The following DLC1 variants were observed in gnomAD, a reference collection of about 807,000 sequenced individuals.
DLC1 encodes rho GTPase-activating protein 7.
Under a neutral mutation model 140.3 loss-of-function variants are expected in DLC1, and 54 were observed. That is an observed-to-expected ratio of 0.38 (90% CI 0.31 to 0.48). DLC1 has a LOEUF of 0.48. Ranked by LOEUF, DLC1 falls within the 20% of genes least tolerant of loss-of-function variation. The pLI, the probability that DLC1 is intolerant of heterozygous loss-of-function variation, is 0.96. For synonymous variants in DLC1, 986 were observed against 728.1 expected (o/e 1.35, Z -5.70); for missense variants, 2,536 against 1,907.0 (o/e 1.33, Z -6.14).
At chr8:13,317,280 A>T (rs1563248746) in intron 4 of DLC1, among the ~76,000 whole-genome samples, 2 of 152,242 alleles carry the variant, frequency 1.3e-5, no homozygotes, top group Non-Finnish European at 2.9e-5. Flanking sequence ...ACTAGGAAGT[A>T]TGAAAACGTT....
Position 13,588,961 on chromosome 8 carries a change from T to G in DLC1, c.-126+15576A>C, listed in dbSNP as rs554678091. Among the ~76,000 whole-genome samples, 38 of 152,050 alleles carry G rather than the reference T, an allele frequency of 2.5e-4. No homozygotes were observed. In the South Asian group the frequency reaches 2.9e-3, roughly 12 times the overall value. On this transcript the variant is annotated intron_variant, in intron 1 of 1. Coordinates refer to the DLC1 transcript ENST00000631382. ...GCAGTCAAATGGGTGACAGATGGAG[T>G]CAGATTGCCCTCACATTCCTATAAG... is the stretch of plus-strand genomic sequence containing the variant.
At chr8:13,107,739 G>C (rs954317984) in intron 7 of DLC1, among the ~76,000 whole-genome samples, 1 of 152,140 alleles carries the variant, frequency 6.6e-6, no homozygotes, top group Non-Finnish European at 1.5e-5. Flanking sequence ...TGACAGCTCA[G>C]AACTTGTACT....
rs1838231242 is a variant in DLC1 at position 13,419,791 on chromosome 8, C to T, written c.1024-18172G>A. 3.3e-5 allele frequency among the ~76,000 whole-genome samples: 5 copies of T among 152,144 alleles called. No homozygotes were observed. In the South Asian group the frequency reaches 1.0e-3, roughly 32 times the overall value. ...TGGAATAGTTTCAGAAGGAATGGTACCAGTTCCTCCTTGCACCTCTGGTAG... is the reference window on the plus strand; with the variant it reads ...TGGAATAGTTTCAGAAGGAATGGTATCAGTTCCTCCTTGCACCTCTGGTAG... On this transcript the variant is annotated intron_variant, in intron 2 of 17. Coordinates refer to ENST00000276297, the MANE Select transcript of DLC1 (RefSeq NM_182643.3).
In DLC1 at chr8:13,258,758, C is replaced by T. The variant is rs146209019; in HGVS notation, c.1348+46511G>A. On this transcript the variant is annotated intron_variant, in intron 5 of 17. Transcript: ENST00000276297. Reference sequence around the variant, plus strand: ...CTTTCTATTTCATTTCCTGTTTGTACGGGGGTCTGTTATTTCTCATATGGG... The same window carrying T: ...CTTTCTATTTCATTTCCTGTTTGTATGGGGGTCTGTTATTTCTCATATGGG... Among the ~76,000 whole-genome samples the T allele has an allele frequency of 1.8e-3, 278 of 152,128 alleles. 1 individual carries two copies. Among genetic ancestry groups the T allele is most frequent in the African/African-American group, 6.3e-3 (263 of 41,516 alleles).
intron 5 of DLC1, among the ~76,000 whole-genome samples, chr8:13,277,366 C>G (rs948069602): frequency 6.6e-6 from 1 of 152,140 alleles, no homozygotes; most frequent in Non-Finnish European, 1.5e-5. Context: ...AAATACTGAT[C>G]AGCTCCTCAC....
At position 13,100,675 on chromosome 8, in the gene DLC1, A is replaced by C. The variant is rs546648938; in HGVS notation, c.1662T>G (p.Asp554Glu). The change falls in exon 9 of 18, where the codon GAT becomes GAG. Residue 554 changes from aspartate to glutamate, a missense_variant. Physicochemically the swap from Asp to Glu is conservative, Grantham distance 45 (BLOSUM62 2). Coordinates refer to ENST00000276297, the MANE Select transcript of DLC1 (RefSeq NM_182643.3). The part of the protein sequence containing the change: ...SKRWSRLEEF[D>E]VFSPKQDLVP... ...CCAGGTCTTGTTTTGGAGAAAAGAC[A>C]TCAAACTCTTCAAGCCGGGACCACC... The C allele has an allele frequency of 6.2e-7, 1 of 1,613,938 alleles. No homozygotes were observed. Among genetic ancestry groups the C allele is most frequent in the Non-Finnish European group, 8.5e-7 (1 of 1,179,988 alleles).
chr8:13,274,295 C>G (rs1269785350), intron 5 of DLC1, among the ~76,000 whole-genome samples: 1 of 152,106 alleles, frequency 6.6e-6, no homozygotes, highest in Non-Finnish European at 1.5e-5. Context: ...GAGGAGGACA[C>G]CAAAAGTGTC....
At chr8:13,508,285 T>A (rs1202511383) in intron 1 of DLC1, among the ~76,000 whole-genome samples, 4 of 152,176 alleles carry the variant, frequency 2.6e-5, no homozygotes, top group African/African-American at 9.7e-5. Flanking sequence ...CGCATGTAAT[T>A]TGAGGAAACT....
intron 5 of DLC1, among the ~76,000 whole-genome samples, chr8:13,240,016 A>G (rs978486536): frequency 1.3e-5 from 2 of 152,162 alleles, no homozygotes; most frequent in African/African-American, 4.8e-5. Flanking sequence ...GTGCTCTCTA[A>G]ACATAAATAA....
intron 5 of DLC1, among the ~76,000 whole-genome samples, chr8:13,294,270 G>C (rs577090798): frequency 6.6e-6 from 1 of 152,280 alleles, no homozygotes; most frequent in Admixed American, 6.5e-5. Flanking sequence ...CATGAAATAA[G>C]CATCTTTTAG....
chr8:13,358,941 C>A (rs1835076106), intron 4 of DLC1, among the ~76,000 whole-genome samples: 1 of 149,272 alleles, frequency 6.7e-6, no homozygotes, highest in Non-Finnish European at 1.5e-5. Flanking sequence ...AAGACAGTTA[C>A]AAACTTTTTT....
At chr8:13,581,310 G>A (rs915296630) in intron 1 of DLC1, among the ~76,000 whole-genome samples, 2 of 152,096 alleles carry the variant, frequency 1.3e-5, no homozygotes, top group Non-Finnish European at 2.9e-5. Flanking sequence ...AGGAAAAAAC[G>A]GAACCATTTG....
chr8:13,306,631 C>T (rs1832447227), intron 4 of DLC1, among the ~76,000 whole-genome samples: 1 of 151,614 alleles, frequency 6.6e-6, no homozygotes, highest in South Asian at 2.1e-4. Flanking sequence ...TGTGGATCAG[C>T]CCAAGAAAAG....
At chr8:13,313,595 G>T (rs140275861) in intron 4 of DLC1, among the ~76,000 whole-genome samples, 1 of 152,070 alleles carries the variant, frequency 6.6e-6, no homozygotes, top group Admixed American at 6.6e-5. Context: ...TCCTACTGTG[G>T]TATTTGTTAA....
At chr8:13,092,913 A>G in intron 12 of DLC1, 88 bp from the exon 13 acceptor site, 1 of 1,412,610 alleles carries the variant, frequency 7.1e-7, no homozygotes, top group Non-Finnish European at 9.7e-7. Context: ...TCGGCATCAA[A>G]TACCTCAGCC....
intron 4 of DLC1, among the ~76,000 whole-genome samples, chr8:13,337,513 A>G (rs1833855471): frequency 1.3e-5 from 2 of 152,192 alleles, no homozygotes; most frequent in Admixed American, 1.3e-4. Flanking sequence ...AATCACATTA[A>G]CATCATGAAT....
chr8:13,277,749 C>A (rs1484294041), intron 5 of DLC1, among the ~76,000 whole-genome samples: 2 of 152,092 alleles, frequency 1.3e-5, no homozygotes, highest in East Asian at 1.9e-4. Flanking sequence ...GGCAGGGAAG[C>A]TTAATATTGG....
At chr8:13,506,513 A>T (rs1802071193) in intron 1 of DLC1, among the ~76,000 whole-genome samples, 1 of 147,678 alleles carries the variant, frequency 6.8e-6, no homozygotes. Flanking sequence ...CGTGTTCTCC[A>T]CCTACTGCTT....
intron 5 of DLC1, among the ~76,000 whole-genome samples, chr8:13,138,997 G>T (rs144296750): frequency 1.0e-3 from 155 of 152,158 alleles, no homozygotes; most frequent in African/African-American, 3.7e-3. Context: ...ATTTTTAAGA[G>T]AGAGAAGCTG....
Sources: gnomAD v4.1 joint callset for allele counts (sites outside exome capture counted in the v4.1 genomes callset) on GRCh38, gnomAD v4.1.1 for gene constraint, MANE v1.5 for transcripts, NCBI Gene and HGNC (gene_info 2026-07-23, HGNC 2026-07-21) for gene names.